The following ABHD3 variants were observed in gnomAD, a reference collection of about 807,000 sequenced individuals.
ABHD3 encodes the protein abhydrolase domain containing 3, phospholipase, also known as phospholipase ABHD3.
ABHD3 carries 46 observed loss-of-function variants against 48.8 expected under a neutral mutation model. That is an observed-to-expected ratio of 0.94 (90% CI 0.74 to 1.20). The LOEUF (loss-of-function observed/expected upper bound fraction) is 1.20, where lower values mean the gene tolerates loss of function less well. Among genes scored for constraint, ABHD3 ranks in the 50% most tolerant of loss-of-function variants. The pLI is 0.00. For synonymous variants in ABHD3, 192 were observed against 183.7 expected (o/e 1.04, Z -0.36); for missense variants, 490 against 497.8 (o/e 0.98, Z 0.15).
intron 6 of ABHD3, among the ~76,000 whole-genome samples, chr18:21,658,408 A>C (rs1339842227): frequency 1.3e-5 from 2 of 152,184 alleles, no homozygotes; most frequent in Non-Finnish European, 2.9e-5. Context: ...TACTTACTAC[A>C]TTACTATCCA....
chr18:21,663,902 C>T lies in ABHD3; in HGVS notation c.668+216G>A, dbSNP rs566894194. On this transcript the variant is annotated intron_variant, in intron 5 of 8. Transcript: ENST00000289119. ...CCTTCAGGCTCACAAAATCCGCAGT[C>T]ACAGAGACCCGTAGTTAAGAAAAAT... 11 of 1,440,820 alleles carry T rather than the reference C, an allele frequency of 7.6e-6. No individual in the cohort carries two copies. The African/African-American group carries it at 1.4e-4, about 19-fold the overall frequency. 89.3% of individuals were successfully genotyped at this position (1,440,820 alleles called of 1,614,324 possible).
intron 5 of ABHD3, chr18:21,663,761 G>A: frequency 6.5e-7 from 1 of 1,535,528 alleles, no homozygotes; most frequent in Non-Finnish European, 8.7e-7. Flanking sequence ...TGAAAGTCAT[G>A]CTACAAGTTC....
intron 3 of ABHD3, among the ~76,000 whole-genome samples, chr18:21,697,012 G>A (rs2040385606): frequency 6.6e-6 from 1 of 151,784 alleles, no homozygotes; most frequent in Admixed American, 6.6e-5. Flanking sequence ...CAATCCACCA[G>A]TGAAGATGGA....
rs2039372498 is a variant in ABHD3, at chr18:21,657,134, T to C, written c.861A>G (p.Val287=). The part of the protein sequence containing the change: ...SSVNKHRHMF[V]KQVDMDHVMK... ...TGACATGATCCATATCAACTTGTTT[T>C]ACAAACATATGTCGGTGCCTGGAAC... Residue 287 remains valine (V), a synonymous_variant, in exon 7 of 9, where the codon GTA becomes GTG. Transcript: ENST00000289119. 6.2e-7 allele frequency: 1 copy of C among 1,611,394 alleles called. No homozygotes were observed. Among genetic ancestry groups the C allele is most frequent in the African/African-American group, 1.3e-5 (1 of 74,896 alleles).
At chr18:21,685,775 G>T (rs2040117198) in intron 3 of ABHD3, among the ~76,000 whole-genome samples, 1 of 152,064 alleles carries the variant, frequency 6.6e-6, no homozygotes, top group Admixed American at 6.5e-5. Flanking sequence ...TCGGCTCAAT[G>T]CAACCTCCAT....
At chr18:21,667,234 CTTTTTTTTT>C (rs745430805) in intron 4 of ABHD3, among the ~76,000 whole-genome samples, 2 of 81,440 alleles carry the variant, frequency 2.5e-5, no homozygotes, top group South Asian at 4.6e-4. Flanking sequence ...CCACCACACC[CTTTTTTTTT>C]TTTTTTTTTT....
intron 8 of ABHD3, among the ~76,000 whole-genome samples, 189 bp downstream of exon 8, chr18:21,656,672 C>T (rs962152705): frequency 1.2e-4 from 18 of 152,084 alleles, no homozygotes; most frequent in Admixed American, 1.2e-3. Flanking sequence ...CTGAGCCTCT[C>T]ACAATGGACT....
rs1044512229 is a variant in ABHD3, at chr18:21,699,824, C to T, written c.509+2492G>A. On this transcript the variant is annotated intron_variant, in intron 3 of 8. Coordinates refer to ENST00000289119, the MANE Select transcript of ABHD3 (RefSeq NM_138340.5). Reference sequence around the variant, plus strand: ...TCCCGAGTAACTGGGATTATAGGCACGCGCTGCCATGCCTGGCTAATTTTT... The same window carrying T: ...TCCCGAGTAACTGGGATTATAGGCATGCGCTGCCATGCCTGGCTAATTTTT... Among the ~76,000 whole-genome samples the T allele has an allele frequency of 6.2e-4, 94 of 151,518 alleles. 1 individual carries two copies. Among genetic ancestry groups the T allele is most frequent in the African/African-American group, 2.2e-3 (91 of 41,214 alleles).
At chr18:21,668,951 A>G (rs2039697414) in intron 4 of ABHD3, among the ~76,000 whole-genome samples, 1 of 152,124 alleles carries the variant, frequency 6.6e-6, no homozygotes, top group South Asian at 2.1e-4. Context: ...AGGCAGGTGT[A>G]GTGGCATATG....
rs561849312 is a variant in ABHD3 at position 21,689,525 on chromosome 18, G to A, written c.510-5560C>T. Among the ~76,000 whole-genome samples, 9 of 109,570 alleles carry A rather than the reference G, an allele frequency of 8.2e-5. No individual in the cohort carries two copies. The South Asian group carries it at 2.7e-3, about 33-fold the overall frequency. 71.9% of individuals were successfully genotyped at this position (109,570 alleles called of 152,430 possible). A position where few individuals can be genotyped will look rare whatever the true frequency, so the allele number is the denominator to read the frequency against. On this transcript the variant is annotated intron_variant, in intron 3 of 8. Transcript: ENST00000289119. Reference sequence around the variant, plus strand: ...GATCACACCATTGCACTCCAGACTGGGCAACAAGGGTGAAATCTGGTCTCA... The same window carrying A: ...GATCACACCATTGCACTCCAGACTGAGCAACAAGGGTGAAATCTGGTCTCA...
rs367748939 is a variant in ABHD3, at chr18:21,704,705, G to T, written c.-40C>A. 347 of 1,398,186 alleles carry T rather than the reference G, an allele frequency of 2.5e-4. No homozygotes were observed. Among genetic ancestry groups the T allele is most frequent in the African/African-American group, 2.3e-3 (150 of 66,118 alleles). The allele number at this position is 1,398,186 out of a possible 1,614,324, so 86.6% of individuals were successfully genotyped here. ...GCGCGCGGGTCCTGCGGCGGGAGGA[G>T]AGCCGGCTGGCGAGCGGGCGAGAGC... On this transcript the variant is annotated 5_prime_UTR_variant, in exon 1 of 9. Coordinates refer to ENST00000289119, the MANE Select transcript of ABHD3 (RefSeq NM_138340.5).
chr18:21,675,262 G>GT (rs61119109), intron 4 of ABHD3, among the ~76,000 whole-genome samples: 4,600 of 85,404 alleles, frequency 0.054, 42 homozygotes, highest in Non-Finnish European at 0.067. Context: ...AATGAGGTGG[G>GT]TTTTTTTTTT....
Position 21,702,378 on chromosome 18 carries a change from C to T in ABHD3, c.447G>A (p.Thr149=), listed in dbSNP as rs200541939. Residue 149 remains threonine, a synonymous_variant, in exon 3 of 9, where the codon ACG becomes ACA. Transcript: ENST00000289119. ...GGATATATGACTCCTTGCTTGTTCC[C>T]GTGAGGCCAGGCAACAATAAGATAG... ...RPTILLLPGL[T]GTSKESYILH... is the part of the protein sequence containing the mutation. The T allele has an allele frequency of 1.4e-5, 23 of 1,613,696 alleles. No individual in the cohort carries two copies. The Admixed American group carries it at 2.5e-4, about 18-fold the overall frequency.
intron 4 of ABHD3, among the ~76,000 whole-genome samples, chr18:21,666,357 C>G (rs2039628192): frequency 6.6e-6 from 1 of 152,152 alleles, no homozygotes; most frequent in South Asian, 2.1e-4. Context: ...CCACGCCTGG[C>G]TAATTTTTGT....
chr18:21,684,396 C>A (rs1169880262), intron 3 of ABHD3, among the ~76,000 whole-genome samples: 3 of 139,784 alleles, frequency 2.1e-5, no homozygotes, highest in Non-Finnish European at 1.5e-5. Context: ...CGGCTCACTG[C>A]AACCTCCGCC....
At chr18:21,674,881 C>T (rs185868870) in intron 4 of ABHD3, among the ~76,000 whole-genome samples, 1 of 151,966 alleles carries the variant, frequency 6.6e-6, no homozygotes, top group African/African-American at 2.4e-5. Flanking sequence ...TCCTTTAATC[C>T]TTTCTAAATG....
At chr18:21,670,261 C>T (rs541516323) in intron 4 of ABHD3, among the ~76,000 whole-genome samples, 3 of 152,194 alleles carry the variant, frequency 2.0e-5, no homozygotes, top group South Asian at 4.1e-4. Flanking sequence ...AAAAGGCATA[C>T]GTGGGAATGG....
chr18:21,697,778 G>C (rs978366374), intron 3 of ABHD3, among the ~76,000 whole-genome samples: 2 of 152,158 alleles, frequency 1.3e-5, no homozygotes, highest in African/African-American at 4.8e-5. Context: ...CCTGAATTTT[G>C]AATTAGTGCA....
chr18:21,664,083 C>A, intron 5 of ABHD3, 35 bp downstream of exon 5: 1 of 1,586,474 alleles, frequency 6.3e-7, no homozygotes, highest in East Asian at 2.2e-5. Context: ...AATAGCTTCC[C>A]TCTCAGAGAT....
Sources: gnomAD v4.1 joint callset for allele counts (sites outside exome capture counted in the v4.1 genomes callset) on GRCh38, gnomAD v4.1.1 for gene constraint, MANE v1.5 for transcripts, NCBI Gene and HGNC (gene_info 2026-07-23, HGNC 2026-07-21) for gene names.